The following PI4KA variants were observed in gnomAD, a reference collection of about 807,000 sequenced individuals.
The protein encoded by PI4KA is phosphatidylinositol 4-kinase alpha.
A neutral mutation model predicts 271.4 loss-of-function variants in PI4KA; 122 were observed. The ratio of observed to expected loss-of-function variants is 0.45; its 90% CI spans 0.39 to 0.52. PI4KA has a LOEUF of 0.52. Ranked by LOEUF, PI4KA falls within the 20% of genes least tolerant of loss-of-function variation. The probability of loss-of-function intolerance (pLI) is 0.00; values close to 1 mark genes in which losing one functional copy is unlikely to be tolerated. For synonymous variants in PI4KA, 1,041 were observed against 1,078.8 expected, an observed-to-expected ratio of 0.96 and a Z score of 0.69; for missense variants, 1,969 against 2,769.1, an observed-to-expected ratio of 0.71 and a Z score of 6.48.
Position 20,822,067 on chromosome 22 carries a change from G to C in PI4KA, c.457-1456C>G, listed in dbSNP as rs1601571307. ...ACGTGTGAGGGTCACTTGAGCCCAGGAGGCCGAGGATATAGTGAGCCAAGA... is the reference window on the plus strand; with the variant it reads ...ACGTGTGAGGGTCACTTGAGCCCAGCAGGCCGAGGATATAGTGAGCCAAGA... On this transcript the variant is annotated intron_variant, in intron 4 of 54. Coordinates refer to ENST00000255882, the MANE Select transcript of PI4KA (RefSeq NM_058004.4). Among the ~76,000 whole-genome samples, 4 of 152,304 alleles carry C rather than the reference G, an allele frequency of 2.6e-5. No individual in the cohort carries two copies. In the Middle Eastern group the frequency reaches 0.014, roughly 518 times the overall value.
At chr22:20,733,432 C>T (rs1418068387) in intron 35 of PI4KA, among the ~76,000 whole-genome samples, 1 of 149,228 alleles carries the variant, frequency 6.7e-6, no homozygotes, top group East Asian at 1.9e-4. Flanking sequence ...TGCAATTCTT[C>T]GTGCAATAAG....
At chr22:20,715,721 C>T (rs1320252529) in intron 45 of PI4KA, among the ~76,000 whole-genome samples, 3 of 151,248 alleles carry the variant, frequency 2.0e-5, no homozygotes, top group East Asian at 2.0e-4. Flanking sequence ...GTGATCCACC[C>T]GCCTTGGCCT....
chr22:20,765,003 G>T (rs759990720), intron 21 of PI4KA, 53 bp from the exon 22 acceptor site: 6 of 1,582,852 alleles, frequency 3.8e-6, no homozygotes, highest in Non-Finnish European at 5.2e-6. Context: ...AGGACAAACA[G>T]GTCCCAGTGG....
chr22:20,826,044 C>T (rs1050735777), intron 3 of PI4KA, among the ~76,000 whole-genome samples: 1 of 152,120 alleles, frequency 6.6e-6, no homozygotes, highest in African/African-American at 2.4e-5. Flanking sequence ...CATGTTGCTA[C>T]AAAAGACGTG....
intron 3 of PI4KA, among the ~76,000 whole-genome samples, chr22:20,827,290 C>T (rs549262214): frequency 2.0e-5 from 3 of 152,258 alleles, no homozygotes; most frequent in Non-Finnish European, 2.9e-5. Flanking sequence ...GTTATCCTAG[C>T]GCCATTTATT....
At chr22:20,742,098 G>T in intron 32 of PI4KA, 130 bp downstream of exon 32, 6 of 871,540 alleles carry the variant, frequency 6.9e-6, no homozygotes, top group Non-Finnish European at 8.9e-6. Flanking sequence ...AATCTGTAAG[G>T]AGACTGAGGC....
Position 20,807,390 on chromosome 22 carries a change from C to A in PI4KA, c.1140G>T (p.Met380Ile). 1.2e-6 allele frequency: 2 copies of A among 1,612,636 alleles called. No individual in the cohort carries two copies. The highest frequency in any genetic ancestry group is 1.7e-6 in the Non-Finnish European group (2 of 1,178,656). Residue 380 changes from methionine (M) to isoleucine (I), a missense_variant, in exon 10 of 55, where the codon ATG becomes ATT. Around this residue, in one of 13 missense-constraint regions of PI4KA, gnomAD observed 540 missense variants for 555.5 expected, o/e 0.97. Transcript: ENST00000255882. ...SDPLYLTMFK[M>I]LRDTLYYMKD... Reference sequence around the variant, plus strand: ...TCATGTAGTACAGAGTGTCACGCAGCATCTTGAACATGGTCAGGTAGAGAG... The same window carrying A: ...TCATGTAGTACAGAGTGTCACGCAGAATCTTGAACATGGTCAGGTAGAGAG...
intron 43 of PI4KA, among the ~76,000 whole-genome samples, chr22:20,719,554 A>C (rs1224452810): frequency 6.6e-6 from 1 of 152,074 alleles, no homozygotes; most frequent in Admixed American, 6.6e-5. Context: ...AACCTTTTTC[A>C]CAGACCTTTG....
chr22:20,775,556 T>C (rs1367846218), intron 19 of PI4KA, among the ~76,000 whole-genome samples: 3 of 152,252 alleles, frequency 2.0e-5, no homozygotes, highest in Non-Finnish European at 2.9e-5. Flanking sequence ...AGATACGTTT[T>C]CCTGAATGCT....
intron 22 of PI4KA, among the ~76,000 whole-genome samples, chr22:20,762,774 C>T (rs538528561): frequency 6.6e-6 from 1 of 152,228 alleles, no homozygotes; most frequent in South Asian, 2.1e-4. Context: ...TACTAACAGG[C>T]TATAGGGGAT....
intron 3 of PI4KA, among the ~76,000 whole-genome samples, chr22:20,829,152 A>G (rs913100926): frequency 7.2e-5 from 11 of 152,044 alleles, no homozygotes; most frequent in African/African-American, 2.7e-4. Flanking sequence ...AGGTTTTGGT[A>G]TCAGCATGAT....
chr22:20,708,751 C>T (rs1924840820), intron 54 of PI4KA, among the ~76,000 whole-genome samples: 2 of 113,128 alleles, frequency 1.8e-5, no homozygotes, highest in Admixed American at 9.3e-5. Flanking sequence ...TTGCTGGGAT[C>T]GCCATCCTCC....
At position 20,714,440 on chromosome 22, in the gene PI4KA, T is replaced by G; in HGVS notation, c.5461+18A>C. On this transcript the variant is annotated intron_variant, in intron 47 of 54. Coordinates refer to ENST00000255882, the MANE Select transcript of PI4KA (RefSeq NM_058004.4). ...AAAAGCACTGAGCTCCCAAACAAAA[T>G]CAGGGTTCTTTACTGACCTTCTTTT... 6.3e-7 allele frequency: 1 copy of G among 1,598,624 alleles called. No individual in the cohort carries two copies. Among genetic ancestry groups the G allele is most frequent in the South Asian group, 1.1e-5 (1 of 89,514 alleles).
chr22:20,790,733 CACACACACAA>C (rs971925670), intron 19 of PI4KA, among the ~76,000 whole-genome samples: 1 of 149,464 alleles, frequency 6.7e-6, no homozygotes, highest in African/African-American at 2.5e-5. Flanking sequence ...CACACACACA[CACACACACAA>C]CAAAAAAAAC....
At position 20,858,603 on chromosome 22, in the gene PI4KA, G is replaced by C. The variant is rs765568951; in HGVS notation, c.123C>G (p.Ser41=). ...AGGATGCTGGTCTCTGCACCGCCAG[G>C]GAGCGGGCCAGTGACAGGACCGTGT... ...YFNTVLSLAR[S]LAVQRPASLE... is the part of the protein sequence containing the mutation. Residue 41 remains serine (S), a synonymous_variant, in exon 1 of 55, where the codon TCC becomes TCG. Coordinates refer to ENST00000255882, the MANE Select transcript of PI4KA (RefSeq NM_058004.4). The C allele has an allele frequency of 6.8e-7, 1 of 1,475,710 alleles. No individual in the cohort carries two copies. The highest frequency in any genetic ancestry group is 1.3e-5 in the South Asian group (1 of 77,702). 91.4% of individuals were successfully genotyped at this position (1,475,710 alleles called of 1,614,324 possible).
intron 42 of PI4KA, among the ~76,000 whole-genome samples, chr22:20,723,312 G>A (rs1926964513): frequency 6.6e-6 from 1 of 151,854 alleles, no homozygotes; most frequent in African/African-American, 2.4e-5. Context: ...GAGCCACCGC[G>A]CCCGGCCTAC....
At chr22:20,788,283 C>T (rs756368793) in intron 19 of PI4KA, among the ~76,000 whole-genome samples, 5 of 152,148 alleles carry the variant, frequency 3.3e-5, no homozygotes, top group Non-Finnish European at 5.9e-5. Flanking sequence ...GTTGGCTGGA[C>T]TCCAGGGACC....
chr22:20,743,441 G>A (rs2147290777), intron 30 of PI4KA, among the ~76,000 whole-genome samples: 1 of 151,562 alleles, frequency 6.6e-6, no homozygotes, highest in Non-Finnish European at 1.5e-5. Flanking sequence ...GCCACACCCA[G>A]CCCTCCTTAC....
intron 2 of PI4KA, among the ~76,000 whole-genome samples, chr22:20,835,698 C>T (rs1924770932): frequency 6.6e-6 from 1 of 151,850 alleles, no homozygotes; most frequent in Non-Finnish European, 1.5e-5. Flanking sequence ...TGCCACTGCA[C>T]TCCAGCCTGC....
Sources: gnomAD v4.1 joint callset for allele counts (sites outside exome capture counted in the v4.1 genomes callset) on GRCh38, gnomAD v4.1.1 for gene constraint, gnomAD v4.1.1 regional missense constraint, MANE v1.5 for transcripts, NCBI Gene and HGNC (gene_info 2026-07-23, HGNC 2026-07-21) for gene names.